KLHL6: variants seen among roughly 807,000 people sequenced by gnomAD.
KLHL6 encodes the protein kelch like family member 6.
Under a neutral mutation model 58.6 loss-of-function variants are expected in KLHL6, and 41 were observed. That is an observed-to-expected ratio of 0.70 (90% confidence interval 0.55 to 0.91). The LOEUF (loss-of-function observed/expected upper bound fraction) is 0.91, where lower values mean the gene tolerates loss of function less well. Ranked by LOEUF, KLHL6 falls within the 40% of genes least tolerant of loss-of-function variation. The pLI is 0.00. For missense variants in KLHL6, 714 were observed against 805.6 expected, an observed-to-expected ratio of 0.89 and a Z score of 1.38; for synonymous variants, 338 against 322.7, an observed-to-expected ratio of 1.05 and a Z score of -0.51.
intron 1 of KLHL6, among the ~76,000 whole-genome samples, chr3:183,540,448 C>T (rs1004096919): frequency 1.3e-5 from 2 of 152,102 alleles, no homozygotes; most frequent in Non-Finnish European, 1.5e-5. Context: ...ATTTTTTCCC[C>T]TTTATGCTTG....
Position 183,491,824 on chromosome 3 carries a change from G to T in KLHL6, c.*103C>A. Reference sequence around the variant, plus strand: ...AGTCAAGGGGATCCCCTGATGTATGGCCTCAAACTCGAGCCTGCTGCCTGA... The same window carrying T: ...AGTCAAGGGGATCCCCTGATGTATGTCCTCAAACTCGAGCCTGCTGCCTGA... On this transcript the variant is annotated 3_prime_UTR_variant, in exon 7 of 7. Coordinates refer to ENST00000341319, the MANE Select transcript of KLHL6 (RefSeq NM_130446.4). 1 of 1,042,212 alleles carries T rather than the reference G, an allele frequency of 9.6e-7. No homozygotes were observed. Among genetic ancestry groups the T allele is most frequent in the Non-Finnish European group, 1.3e-6 (1 of 756,448 alleles). 64.6% of individuals were successfully genotyped at this position (1,042,212 alleles called of 1,614,324 possible). A position where few individuals can be genotyped will look rare whatever the true frequency, so the allele number is the denominator to read the frequency against.
intron 2 of KLHL6, among the ~76,000 whole-genome samples, chr3:183,516,657 G>C (rs1479519360): frequency 6.6e-6 from 1 of 152,170 alleles, no homozygotes; most frequent in Non-Finnish European, 1.5e-5. Flanking sequence ...GAGGTCCTAG[G>C]GGACTTCACC....
intron 1 of KLHL6, among the ~76,000 whole-genome samples, chr3:183,543,348 G>A (rs1351845567): frequency 6.6e-6 from 1 of 151,936 alleles, no homozygotes; most frequent in Non-Finnish European, 1.5e-5. Context: ...CTGAAGGCCT[G>A]CTAATCATCG....
rs955435655 is a variant in KLHL6, at chr3:183,489,114, G to C, written c.*2813C>G. ...ATAGGGTTGACCTGCTGATGGGCTC[G>C]AAGTTTGCCTATGGGTCTTATCAAA... On this transcript the variant is annotated 3_prime_UTR_variant, in exon 7 of 7. Transcript: ENST00000341319. 1 of 152,160 alleles carries C rather than the reference G, an allele frequency of 6.6e-6. No individual in the cohort carries two copies. Among genetic ancestry groups the C allele is most frequent in the African/African-American group, 2.4e-5 (1 of 41,440 alleles). The allele number at this position is 152,160 out of a possible 1,614,324, so 9.4% of individuals were successfully genotyped here.
At chr3:183,547,379 A>G (rs1237863410) in intron 1 of KLHL6, among the ~76,000 whole-genome samples, 1 of 152,156 alleles carries the variant, frequency 6.6e-6, no homozygotes, top group Admixed American at 6.6e-5. Flanking sequence ...ATTTTTGGGT[A>G]AGGGATTATG....
intron 1 of KLHL6, among the ~76,000 whole-genome samples, chr3:183,534,124 AGTACTTT>A (rs755506581): frequency 3.6e-4 from 44 of 122,670 alleles, no homozygotes; most frequent in South Asian, 5.6e-4. Flanking sequence ...TTACTTTTAA[AGTACTTT>A]GTACTTTTAA....
intron 1 of KLHL6, among the ~76,000 whole-genome samples, chr3:183,543,913 C>A (rs1404264029): frequency 6.6e-6 from 1 of 152,200 alleles, no homozygotes; most frequent in African/African-American, 2.4e-5. Flanking sequence ...CCTGTAATCC[C>A]AGCACTTTGG....
chr3:183,510,743 A>G (rs11719758), intron 2 of KLHL6, among the ~76,000 whole-genome samples: 77,600 of 151,754 alleles, frequency 0.51, 20,478 homozygotes, highest in Non-Finnish European at 0.58. Context: ...GCGTGGTGGC[A>G]CATGCCTGTA....
chr3:183,503,863 G>A (rs1317514782), intron 3 of KLHL6, among the ~76,000 whole-genome samples: 3 of 152,122 alleles, frequency 2.0e-5, no homozygotes, highest in Non-Finnish European at 2.9e-5. Flanking sequence ...TGAAGGGTAC[G>A]GGGAGAAATG....
At chr3:183,523,847 C>G (rs555567438) in intron 2 of KLHL6, among the ~76,000 whole-genome samples, 12 of 152,232 alleles carry the variant, frequency 7.9e-5, no homozygotes, top group Admixed American at 3.3e-4. Context: ...GCAACCTCCC[C>G]CTTCCGGGTT....
Position 183,528,132 on chromosome 3 carries a change from G to A in KLHL6, c.294-122C>T. 2.8e-6 allele frequency: 3 copies of A among 1,059,100 alleles called. No homozygotes were observed. In the South Asian group the frequency reaches 4.4e-5, roughly 16 times the overall value. The allele number at this position is 1,059,100 out of a possible 1,614,324, so 65.6% of individuals were successfully genotyped here. A position where few individuals can be genotyped will look rare whatever the true frequency, so the allele number is the denominator to read the frequency against. The stretch of plus-strand genomic sequence containing the variant: ...GGGGTTTCCCAAGGTCAGGTCCTGG[G>A]CTGGTGGCTCTCTGTTCTCCAGCAC... On this transcript the variant is annotated intron_variant, in intron 1 of 6. Transcript: ENST00000341319.
At chr3:183,553,537 C>G (rs1198479443) in intron 1 of KLHL6, among the ~76,000 whole-genome samples, 1 of 152,246 alleles carries the variant, frequency 6.6e-6, no homozygotes, top group South Asian at 2.1e-4. Flanking sequence ...ACTTCACTCA[C>G]TCCTGAGAGG....
chr3:183,541,592 C>T (rs1712553971), intron 1 of KLHL6, among the ~76,000 whole-genome samples: 1 of 152,164 alleles, frequency 6.6e-6, no homozygotes, highest in African/African-American at 2.4e-5. Context: ...GTAGTCCCAG[C>T]TACTTGGGAG....
intron 5 of KLHL6, chr3:183,493,439 A>G (rs1717628689): frequency 6.5e-6 from 1 of 154,360 alleles, no homozygotes; most frequent in Non-Finnish European, 1.4e-5. Context: ...TGTGCCTACA[A>G]TGACTGTGTT....
At chr3:183,494,389 C>A (rs1245531114) in intron 4 of KLHL6, 108 bp from the exon 5 acceptor site, 18 of 862,278 alleles carry the variant, frequency 2.1e-5, no homozygotes, top group Non-Finnish European at 3.3e-5. Flanking sequence ...GCCAGCCCTA[C>A]CCTGAGGGGA....
intron 4 of KLHL6, among the ~76,000 whole-genome samples, chr3:183,498,152 T>C (rs188774214): frequency 2.8e-4 from 42 of 152,272 alleles, no homozygotes; most frequent in African/African-American, 9.9e-4. Flanking sequence ...GAGAATCATT[T>C]GAACCCAGGA....
chr3:183,551,122 GAAAAA>G, intron 1 of KLHL6, among the ~76,000 whole-genome samples: 1 of 131,656 alleles, frequency 7.6e-6, no homozygotes, highest in African/African-American at 2.9e-5. Context: ...CTCTGTCTCA[GAAAAA>G]AAAAAAAAAA....
At chr3:183,544,163 CAAAAAAAAAAAAAAAA>C (rs56357226) in intron 1 of KLHL6, among the ~76,000 whole-genome samples, 1 of 57,008 alleles carries the variant, frequency 1.8e-5, no homozygotes, top group Non-Finnish European at 3.5e-5. Flanking sequence ...AACTCAGTCT[CAAAAAAAAAAAAAAAA>C]AAAAAAAAGC....
rs776162198 is a variant in KLHL6, at chr3:183,555,682, G to A, written c.-29C>T. The A allele has an allele frequency of 2.6e-6, 4 of 1,546,460 alleles. 1 individual carries two copies. Among genetic ancestry groups the A allele is most frequent in the Middle Eastern group, 4.4e-4 (2 of 4,510 alleles). On this transcript the variant is annotated 5_prime_UTR_variant, in exon 1 of 7. Transcript: ENST00000341319. ...GACTGAAGGAGCGCCCAAGTGTCAG[G>A]CAGGCCCCATTGCAGGAGCTGAGCG...
Sources: allele counts gnomAD v4.1 joint callset (sites outside exome capture counted in the v4.1 genomes callset), GRCh38; gene constraint gnomAD v4.1.1; transcripts MANE v1.5; gene names NCBI Gene and HGNC (gene_info 2026-07-23, HGNC 2026-07-21).